The following DCC variants were observed in gnomAD, a reference collection of about 807,000 sequenced individuals.
DCC encodes netrin receptor DCC.
DCC carries 58 observed loss-of-function variants against 172.5 expected under a neutral mutation model. That is an observed-to-expected ratio of 0.34 (90% confidence interval 0.27 to 0.42). The LOEUF is 0.42. Among genes scored for constraint, DCC ranks in the 10% least tolerant of loss-of-function variants. DCC has a pLI of 1.00. For synonymous variants in DCC, 709 were observed against 644.5 expected, an observed-to-expected ratio of 1.10 and a Z score of -1.52; for missense variants, 1,740 against 1,791.0, an observed-to-expected ratio of 0.97 and a Z score of 0.51.
At chr18:53,071,262 A>G (rs1337071146) in intron 7 of DCC, among the ~76,000 whole-genome samples, 2 of 152,230 alleles carry the variant, frequency 1.3e-5, no homozygotes, top group African/African-American at 4.8e-5. Context: ...TAAAATGAAC[A>G]TAATCTGCTG....
Position 53,459,227 on chromosome 18 carries a change from C to T in DCC, c.3393-5C>T. 6.2e-7 allele frequency: 1 copy of T among 1,612,574 alleles called. No homozygotes were observed. The highest frequency in any genetic ancestry group is 1.1e-5 in the South Asian group (1 of 91,050). On this transcript the variant is annotated splice_region_variant and splice_polypyrimidine_tract_variant and intron_variant, in intron 23 of 28. Coordinates refer to ENST00000442544, the MANE Select transcript of DCC (RefSeq NM_005215.4). ...TCACATTTGCCTTCTAACTTTGTTC[C>T]ATAGGAAACGGGCCACCCACAGTGC... is the stretch of plus-strand genomic sequence containing the variant.
At chr18:53,070,504 T>C (rs1233924254) in intron 7 of DCC, among the ~76,000 whole-genome samples, 1 of 152,208 alleles carries the variant, frequency 6.6e-6, no homozygotes, top group Non-Finnish European at 1.5e-5. Flanking sequence ...TCCCAGGAAC[T>C]CTACAGGTAG....
chr18:52,474,241 AGAAAGAG>A (rs1299747970), intron 1 of DCC, among the ~76,000 whole-genome samples: 2 of 48,556 alleles, frequency 4.1e-5, no homozygotes, highest in African/African-American at 1.0e-4. Flanking sequence ...AGAGAGAGAG[AGAAAGAG>A]AGAGAAGCAA....
In DCC at chr18:53,258,343, G is replaced by A. The variant is rs538318875; in HGVS notation, c.1911+42746G>A. On this transcript the variant is annotated intron_variant, in intron 12 of 28. Coordinates refer to ENST00000442544, the MANE Select transcript of DCC (RefSeq NM_005215.4). ...AGATATTTTCTGCTTTCTCTGGTGG[G>A]CATTTAGTGCTACAAATTTCCCTCT... Among the ~76,000 whole-genome samples, 10 of 151,956 alleles carry A rather than the reference G, an allele frequency of 6.6e-5. 1 individual carries two copies. Among genetic ancestry groups the A allele is most frequent in the South Asian group, 4.2e-4 (2 of 4,780 alleles).
chr18:53,168,294 G>C (rs753468340), intron 8 of DCC, among the ~76,000 whole-genome samples: 4 of 152,098 alleles, frequency 2.6e-5, no homozygotes, highest in Non-Finnish European at 5.9e-5. Flanking sequence ...GTTCACAATA[G>C]CAAAGACTTG....
chr18:52,665,477 C>T (rs958544275), intron 1 of DCC, among the ~76,000 whole-genome samples: 3 of 152,176 alleles, frequency 2.0e-5, no homozygotes, highest in Non-Finnish European at 4.4e-5. Flanking sequence ...AATTGTGCTG[C>T]ACTAGTTGCC....
chr18:53,237,278 G>A (rs1360385420), intron 12 of DCC: 1 of 153,822 alleles, frequency 6.5e-6, no homozygotes, highest in East Asian at 1.9e-4. Context: ...GGGTGACTGA[G>A]ATAAAATAGA....
At chr18:53,147,793 C>T (rs1308614734) in intron 7 of DCC, among the ~76,000 whole-genome samples, 1 of 152,168 alleles carries the variant, frequency 6.6e-6, no homozygotes, top group African/African-American at 2.4e-5. Flanking sequence ...CCACAGCTAT[C>T]CTGACACCAT....
chr18:53,322,863 A>G (rs558905867), intron 14 of DCC, among the ~76,000 whole-genome samples: 19 of 151,880 alleles, frequency 1.3e-4, no homozygotes, highest in Non-Finnish European at 2.5e-4. Flanking sequence ...GCAGAAATAT[A>G]TAGAATTAGA....
At chr18:52,983,047 T>C (rs2041235949) in intron 5 of DCC, among the ~76,000 whole-genome samples, 1 of 152,200 alleles carries the variant, frequency 6.6e-6, no homozygotes, top group Admixed American at 6.6e-5. Flanking sequence ...TAGTAACTCC[T>C]TTTACTCTAT....
intron 27 of DCC, among the ~76,000 whole-genome samples, chr18:53,519,143 T>G (rs1243866522): frequency 6.6e-6 from 1 of 152,130 alleles, no homozygotes; most frequent in Non-Finnish European, 1.5e-5. Context: ...AGCTATATTA[T>G]CCTTGTGTAA....
At chr18:52,597,840 T>C (rs1205925988) in intron 1 of DCC, among the ~76,000 whole-genome samples, 1 of 152,222 alleles carries the variant, frequency 6.6e-6, no homozygotes, top group Non-Finnish European at 1.5e-5. Context: ...CTCTGTTTCA[T>C]GGTTGCAAGC....
At chr18:53,068,370 G>A (rs939683440) in intron 7 of DCC, among the ~76,000 whole-genome samples, 13 of 151,488 alleles carry the variant, frequency 8.6e-5, no homozygotes, top group Non-Finnish European at 1.6e-4. Context: ...CCATTAACTC[G>A]TCATTTAGCA....
At chr18:53,119,813 T>C (rs931584808) in intron 7 of DCC, among the ~76,000 whole-genome samples, 2 of 151,832 alleles carry the variant, frequency 1.3e-5, no homozygotes, top group Non-Finnish European at 2.9e-5. Context: ...AGGTAGTATT[T>C]TCACCTCTTT....
intron 2 of DCC, among the ~76,000 whole-genome samples, chr18:52,859,359 G>GA (rs1019698796): frequency 5.0e-4 from 76 of 152,086 alleles, no homozygotes; most frequent in African/African-American, 1.8e-3. Context: ...AAGATTCATT[G>GA]AAAAAAAGGC....
intron 12 of DCC, among the ~76,000 whole-genome samples, chr18:53,235,881 C>G (rs1398048933): frequency 6.6e-6 from 1 of 152,034 alleles, no homozygotes; most frequent in Non-Finnish European, 1.5e-5. Context: ...AATATTTGTC[C>G]TTTGGTGTCT....
chr18:52,761,575 A>T (rs2037160334), intron 2 of DCC, among the ~76,000 whole-genome samples: 1 of 152,182 alleles, frequency 6.6e-6, no homozygotes, highest in South Asian at 2.1e-4. Flanking sequence ...TAGAAATTCA[A>T]TAATCAGAGT....
At chr18:53,361,828 A>AT (rs35337117) in intron 15 of DCC, among the ~76,000 whole-genome samples, 8 of 151,948 alleles carry the variant, frequency 5.3e-5, no homozygotes, top group South Asian at 2.1e-4. Context: ...GAAATTATGT[A>AT]TTTTTTTTAA....
intron 2 of DCC, among the ~76,000 whole-genome samples, chr18:52,769,990 AAC>A (rs1337164196): frequency 6.6e-6 from 1 of 152,208 alleles, no homozygotes; most frequent in African/African-American, 2.4e-5. Flanking sequence ...CTTCTCCTAA[AAC>A]AGTCTATTAA....
Sources: allele counts gnomAD v4.1 joint callset (sites outside exome capture counted in the v4.1 genomes callset), GRCh38; gene constraint gnomAD v4.1.1; transcripts MANE v1.5; gene names NCBI Gene and HGNC (gene_info 2026-07-23, HGNC 2026-07-21).